SCCPDH: variants seen among roughly 807,000 people sequenced by gnomAD.
SCCPDH encodes the protein saccharopine dehydrogenase-like oxidoreductase.
Under a neutral mutation model 51.5 loss-of-function variants are expected in SCCPDH, and 34 were observed. The ratio of observed to expected loss-of-function variants is 0.66; its 90% confidence interval spans 0.50 to 0.88. The LOEUF (loss-of-function observed/expected upper bound fraction) is 0.88. Among genes scored for constraint, SCCPDH ranks in the 40% least tolerant of loss-of-function variants. SCCPDH has a pLI of 0.00. For synonymous variants in SCCPDH, 187 were observed against 191.3 expected (o/e 0.98, Z 0.19); for missense variants, 464 against 527.1 (o/e 0.88, Z 1.17).
rs137913761 is a variant in SCCPDH at position 246,760,211 on chromosome 1, G to T, written c.974G>T (p.Gly325Val). 10 of 1,608,620 alleles carry T rather than the reference G, an allele frequency of 6.2e-6. No individual in the cohort carries two copies. The highest frequency in any genetic ancestry group is 2.7e-5 in the African/African-American group (2 of 74,466). ...TCCTTTGGCTATTTTTCAAAACAAG[G>T]CCCAACACAAAAACAGGTAATTTCT... Reference protein sequence around the residue: ...FFSFGYFSKQGPTQKQIDAAS... With the variant: ...FFSFGYFSKQVPTQKQIDAAS... Residue 325 changes from glycine to valine, a missense_variant, in exon 9 of 12, where the codon GGC becomes GTC. Coordinates refer to ENST00000366510, the MANE Select transcript of SCCPDH (RefSeq NM_016002.3).
chr1:246,756,354 G>T (rs536137370), intron 5 of SCCPDH, among the ~76,000 whole-genome samples: 1 of 152,180 alleles, frequency 6.6e-6, no homozygotes, highest in African/African-American at 2.4e-5. Context: ...AAGGCAGGAC[G>T]GAAGGAGGGC....
In SCCPDH at chr1:246,760,151, C is replaced by T. The variant is rs547182976; in HGVS notation, c.934-20C>T. On this transcript the variant is annotated intron_variant, in intron 8 of 11. Transcript: ENST00000366510. ...ATGAGTTTTAAAAAAATATCACTGA[C>T]GGTTTTTTTTTCCCTTTAGTTCCCA... 1.2e-5 allele frequency: 19 copies of T among 1,597,306 alleles called. No homozygotes were observed. Among genetic ancestry groups the T allele is most frequent in the East Asian group, 1.1e-4 (5 of 44,732 alleles).
At chr1:246,732,715 T>G (rs923282545) in intron 2 of SCCPDH, among the ~76,000 whole-genome samples, 3 of 152,124 alleles carry the variant, frequency 2.0e-5, no homozygotes, top group African/African-American at 7.2e-5. Context: ...CTGAGAATTA[T>G]GTGGGGAGTA....
At chr1:246,750,846 G>A (rs542665567) in intron 5 of SCCPDH, among the ~76,000 whole-genome samples, 52 of 152,190 alleles carry the variant, frequency 3.4e-4, no homozygotes, top group Non-Finnish European at 6.0e-4. Context: ...CTTAAGCCTG[G>A]ACTCCTTCCC....
chr1:246,743,126 G>C (rs1315336002), intron 4 of SCCPDH, among the ~76,000 whole-genome samples: 3 of 152,060 alleles, frequency 2.0e-5, no homozygotes, highest in African/African-American at 2.4e-5. Flanking sequence ...TTTTGACAAG[G>C]TGTTTTTCTG....
chr1:246,767,232 A>G lies in SCCPDH; in HGVS notation c.1222A>G (p.Thr408Ala). Residue 408 changes from threonine to alanine, a missense_variant, in exon 12 of 12, where the codon ACA (threonine) becomes GCA (alanine). Transcript: ENST00000366510. ...CACACCTGGAGCAGCTTTTTCCAAA[A>G]CAAAGTTGATTGACAGACTCAACAA... ...VFTPGAAFSK[T>A]KLIDRLNKHG... 6.2e-7 allele frequency: 1 copy of G among 1,611,114 alleles called. No homozygotes were observed. The highest frequency in any genetic ancestry group is 8.5e-7 in the Non-Finnish European group (1 of 1,178,344).
chr1:246,734,212 A>G lies in SCCPDH; in HGVS notation c.304-1763A>G, dbSNP rs546720454. 1.1e-4 allele frequency among the ~76,000 whole-genome samples: 17 copies of G among 152,298 alleles called. No individual in the cohort carries two copies. In the South Asian group the frequency reaches 3.5e-3, roughly 32 times the overall value. ...TTTGGGGGTGAAATAACTTAAGAAC[A>G]AGGCCGAGAAAGCTCCAAATGAGTT... On this transcript the variant is annotated intron_variant, in intron 2 of 11. Coordinates refer to ENST00000366510, the MANE Select transcript of SCCPDH (RefSeq NM_016002.3).
chr1:246,743,042 C>T (rs2102984618), intron 4 of SCCPDH, among the ~76,000 whole-genome samples: 1 of 152,128 alleles, frequency 6.6e-6, no homozygotes, highest in South Asian at 2.1e-4. Flanking sequence ...CATTGTAAGC[C>T]ACTGTTAATA....
chr1:246,741,394 T>C (rs914252335), intron 4 of SCCPDH, among the ~76,000 whole-genome samples: 3 of 136,976 alleles, frequency 2.2e-5, no homozygotes, highest in African/African-American at 8.5e-5. Flanking sequence ...ATGCCTGGGC[T>C]CAGGCAGTGC....
intron 1 of SCCPDH, among the ~76,000 whole-genome samples, chr1:246,726,093 G>A (rs989800441): frequency 3.3e-5 from 5 of 152,062 alleles, no homozygotes; most frequent in Admixed American, 6.5e-5. Context: ...TGCTGACCTC[G>A]TGATCCACCC....
At chr1:246,750,608 A>G (rs1289731992) in intron 5 of SCCPDH, among the ~76,000 whole-genome samples, 1 of 152,178 alleles carries the variant, frequency 6.6e-6, no homozygotes, top group African/African-American at 2.4e-5. Flanking sequence ...TAATTTCTTA[A>G]TGACATGTAC....
At chr1:246,749,505 A>G (rs1235818312) in intron 5 of SCCPDH, among the ~76,000 whole-genome samples, 1 of 152,186 alleles carries the variant, frequency 6.6e-6, no homozygotes, top group African/African-American at 2.4e-5. Context: ...CTTCTCCTAC[A>G]CCACAGAAAT....
rs889066009 is a variant in SCCPDH, at chr1:246,736,518, G to A, written c.384+463G>A. ...AGATCGAGACCATCCTGGCCAACAC[G>A]GTGAAACCCCATGTCTACTAAAAAT... On this transcript the variant is annotated intron_variant, in intron 3 of 11. Transcript: ENST00000366510. Among the ~76,000 whole-genome samples, 5 of 152,026 alleles carry A rather than the reference G, an allele frequency of 3.3e-5. No homozygotes were observed. The South Asian group carries it at 6.2e-4, about 19-fold the overall frequency.
At chr1:246,750,314 T>A (rs1336821561) in intron 5 of SCCPDH, among the ~76,000 whole-genome samples, 1 of 152,102 alleles carries the variant, frequency 6.6e-6, no homozygotes, top group East Asian at 1.9e-4. Context: ...AAACATACAA[T>A]TTCTGAGGAA....
intron 9 of SCCPDH, among the ~76,000 whole-genome samples, chr1:246,761,030 CATT>C: frequency 6.6e-6 from 1 of 152,150 alleles, no homozygotes; most frequent in East Asian, 1.9e-4. Flanking sequence ...GACCTATCAT[CATT>C]GTTCCCATCC....
intron 9 of SCCPDH, 97 bp downstream of exon 9, chr1:246,760,324 T>C (rs1668993520): frequency 1.9e-5 from 18 of 971,414 alleles, no homozygotes; most frequent in African/African-American, 3.3e-5. Context: ...TCAGATACTC[T>C]TTTAAGTTCT....
intron 2 of SCCPDH, among the ~76,000 whole-genome samples, chr1:246,734,178 C>G (rs576899501): frequency 5.3e-5 from 8 of 152,242 alleles, no homozygotes; most frequent in Non-Finnish European, 1.0e-4. Context: ...TCATGGCCAA[C>G]TTGAGAAATT....
At chr1:246,751,829 A>G (rs1397726402) in intron 5 of SCCPDH, among the ~76,000 whole-genome samples, 1 of 145,548 alleles carries the variant, frequency 6.9e-6, no homozygotes, top group Non-Finnish European at 1.5e-5. Flanking sequence ...GCTGGAGTGC[A>G]GTGGCGCAGT....
chr1:246,744,930 A>C (rs1668736125), intron 5 of SCCPDH, among the ~76,000 whole-genome samples: 1 of 152,144 alleles, frequency 6.6e-6, no homozygotes, highest in Non-Finnish European at 1.5e-5. Flanking sequence ...CCGGCCCCTA[A>C]AATATAATTT....
Sources: gnomAD v4.1 joint callset for allele counts (sites outside exome capture counted in the v4.1 genomes callset) on GRCh38, gnomAD v4.1.1 for gene constraint, MANE v1.5 for transcripts, NCBI Gene and HGNC (gene_info 2026-07-23, HGNC 2026-07-21) for gene names.